DLGAP2: variants seen among roughly 807,000 people sequenced by gnomAD.
DLGAP2 encodes the protein DLG associated protein 2.
In DLGAP2, 26 loss-of-function variants were observed where a neutral mutation model predicts 100.3. The ratio of observed to expected loss-of-function variants is 0.26; its 90% CI spans 0.19 to 0.36. The LOEUF (loss-of-function observed/expected upper bound fraction) is 0.36. Ranked by LOEUF, DLGAP2 falls within the 10% of genes least tolerant of loss-of-function variation. The probability of loss-of-function intolerance (pLI) is 1.00; values close to 1 mark genes in which losing one functional copy is unlikely to be tolerated. For synonymous variants in DLGAP2, 886 were observed against 630.1 expected (o/e 1.41, Z -6.08); for missense variants, 1,858 against 1,453.2 (o/e 1.28, Z -4.53).
chr8:907,692 G>C (rs955520758), intron 1 of DLGAP2, among the ~76,000 whole-genome samples: 15 of 152,108 alleles, frequency 9.9e-5, no homozygotes, highest in African/African-American at 3.6e-4. Flanking sequence ...TTCCAGAAAC[G>C]GCATAGATGA....
At chr8:1,542,836 G>C (rs1399284029) in intron 4 of DLGAP2, among the ~76,000 whole-genome samples, 1 of 152,122 alleles carries the variant, frequency 6.6e-6, no homozygotes, top group East Asian at 1.9e-4. Context: ...TTCCCCAGCA[G>C]CGTGCGAGGT....
At chr8:1,115,451 G>A (rs573748475) in intron 2 of DLGAP2, among the ~76,000 whole-genome samples, 13 of 152,134 alleles carry the variant, frequency 8.5e-5, no homozygotes, top group Non-Finnish European at 1.8e-4. Context: ...TCTTAACCAC[G>A]GGGAATAACT....
chr8:840,646 T>C (rs1346762250), intron 1 of DLGAP2, among the ~76,000 whole-genome samples: 24 of 87,196 alleles, frequency 2.8e-4, no homozygotes, highest in Admixed American at 8.6e-4. Flanking sequence ...CATGTCTCCC[T>C]ACACTCTGGA....
At chr8:1,513,483 A>G (rs994410995) in intron 4 of DLGAP2, among the ~76,000 whole-genome samples, 4 of 152,240 alleles carry the variant, frequency 2.6e-5, no homozygotes, top group Non-Finnish European at 4.4e-5. Context: ...GTGCAAGCAC[A>G]GCCCAGCTCA....
At chr8:770,070 C>G (rs747759335) in intron 1 of DLGAP2, among the ~76,000 whole-genome samples, 1 of 152,176 alleles carries the variant, frequency 6.6e-6, no homozygotes, top group Non-Finnish European at 1.5e-5. Flanking sequence ...GTTTTCCTAC[C>G]ATACCTTCAA....
intron 3 of DLGAP2, among the ~76,000 whole-genome samples, chr8:1,477,545 C>T (rs914711758): frequency 1.3e-5 from 2 of 152,152 alleles, no homozygotes; most frequent in African/African-American, 4.8e-5. Flanking sequence ...GCCTGAGAGC[C>T]GGCAGCCCGG....
intron 3 of DLGAP2, among the ~76,000 whole-genome samples, chr8:1,343,744 T>TGG (rs1382223955): frequency 6.6e-6 from 1 of 150,766 alleles, no homozygotes; most frequent in Non-Finnish European, 1.5e-5. Context: ...TGCACGACAG[T>TGG]GGAACGGAGG....
At chr8:993,606 A>G (rs1800691744) in intron 2 of DLGAP2, among the ~76,000 whole-genome samples, 1 of 152,000 alleles carries the variant, frequency 6.6e-6, no homozygotes, top group African/African-American at 2.4e-5. Context: ...CCTATTGCTG[A>G]TGCCTGGTGT....
intron 2 of DLGAP2, among the ~76,000 whole-genome samples, chr8:1,205,900 C>T (rs890834232): frequency 6.6e-6 from 1 of 152,158 alleles, no homozygotes; most frequent in Non-Finnish European, 1.5e-5. Context: ...TGTCTGTGAT[C>T]GCAGCTACCT....
chr8:1,694,116 G>A (rs1298361081), intron 13 of DLGAP2, among the ~76,000 whole-genome samples: 1 of 152,164 alleles, frequency 6.6e-6, no homozygotes, highest in Non-Finnish European at 1.5e-5. Flanking sequence ...CCTAATATTT[G>A]TTATGCCTTT....
intron 2 of DLGAP2, among the ~76,000 whole-genome samples, chr8:913,468 G>T (rs930126657): frequency 3.3e-5 from 5 of 152,198 alleles, no homozygotes; most frequent in Non-Finnish European, 7.3e-5. Flanking sequence ...TGGCGTGAGC[G>T]TATATGTTGA....
chr8:1,500,223 G>A (rs1211003363), intron 3 of DLGAP2, among the ~76,000 whole-genome samples: 1 of 152,182 alleles, frequency 6.6e-6, no homozygotes, highest in Non-Finnish European at 1.5e-5. Flanking sequence ...CTTATCTGAT[G>A]CTCCCTGCCC....
chr8:753,093 A>T (rs530531604), intron 1 of DLGAP2, among the ~76,000 whole-genome samples: 1 of 152,186 alleles, frequency 6.6e-6, no homozygotes, highest in African/African-American at 2.4e-5. Flanking sequence ...CAAACCTGCA[A>T]CCAGAGGTGT....
intron 1 of DLGAP2, among the ~76,000 whole-genome samples, chr8:743,766 T>C (rs1215320994): frequency 6.6e-6 from 1 of 152,190 alleles, no homozygotes; most frequent in Non-Finnish European, 1.5e-5. Flanking sequence ...GGTTTCACCA[T>C]GTTGTCCAGA....
intron 2 of DLGAP2, among the ~76,000 whole-genome samples, chr8:1,158,207 A>G (rs1402256222): frequency 6.6e-6 from 1 of 152,254 alleles, no homozygotes; most frequent in African/African-American, 2.4e-5. Flanking sequence ...AATAAGCTAT[A>G]TAATGATTTT....
At chr8:1,592,867 A>G (rs1490811235) in intron 6 of DLGAP2, among the ~76,000 whole-genome samples, 2 of 152,196 alleles carry the variant, frequency 1.3e-5, no homozygotes, top group Admixed American at 6.5e-5. Flanking sequence ...GGGATGTTAC[A>G]TGGAGCAGTT....
At chr8:1,155,003 C>T (rs1796755582) in intron 2 of DLGAP2, among the ~76,000 whole-genome samples, 1 of 152,212 alleles carries the variant, frequency 6.6e-6, no homozygotes, top group South Asian at 2.1e-4. Flanking sequence ...CTTGTCCCTC[C>T]CTCCCATCCT....
chr8:1,370,040 C>T (rs1018340279), intron 3 of DLGAP2, among the ~76,000 whole-genome samples: 13 of 152,108 alleles, frequency 8.5e-5, no homozygotes, highest in Non-Finnish European at 1.2e-4. Flanking sequence ...TCCCCAGTTG[C>T]GGTCCAGCCC....
chr8:1,057,299 C>T (rs1315253534), intron 2 of DLGAP2, among the ~76,000 whole-genome samples: 1 of 152,168 alleles, frequency 6.6e-6, no homozygotes, highest in Non-Finnish European at 1.5e-5. Flanking sequence ...TTGAAGTTAG[C>T]CATCTGTATT....
Sources: gnomAD v4.1 joint callset for allele counts (sites outside exome capture counted in the v4.1 genomes callset) on GRCh38, gnomAD v4.1.1 for gene constraint, MANE v1.5 for transcripts, NCBI Gene and HGNC (gene_info 2026-07-23, HGNC 2026-07-21) for gene names.